Variants in ERFL observed in about 807,000 individuals in gnomAD.
The protein encoded by ERFL is ETS repressor factor like, also known as ETS domain-containing transcription factor ERF-like.
Under a neutral mutation model 27.9 loss-of-function variants are expected in ERFL, and 8 were observed. The ratio of observed to expected loss-of-function variants is 0.29; its 90% CI spans 0.17 to 0.52. The LOEUF is 0.52. ERFL is among the 20% of genes least tolerant of loss of function. ERFL has a pLI of 0.97. For synonymous variants in ERFL, 174 were observed against 202.8 expected (o/e 0.86, Z 1.21); for missense variants, 294 against 444.4 (o/e 0.66, Z 3.04).
In ERFL at chr19:41,912,898, C is replaced by G; in HGVS notation, c.22G>C (p.Asp8His). The change falls in exon 2 of 6, where the codon GAC becomes CAC. Residue 8 changes from aspartate (D) to histidine (H), a missense_variant. Physicochemically the swap from Asp to His is moderately conservative, Grantham distance 81. Coordinates refer to ENST00000597630, the MANE Select transcript of ERFL (RefSeq NM_001365103.2). MDCSCVS[D>H]LLFAPPALPA... is the part of the protein sequence containing the mutation. ...AGGGCGGGCGGGGCGAAGAGAAGGTCGGAGACGCAGCTACAGTCCATGGCG... is the reference window on the plus strand; with the variant it reads ...AGGGCGGGCGGGGCGAAGAGAAGGTGGGAGACGCAGCTACAGTCCATGGCG... The G allele has an allele frequency of 8.1e-7, 1 of 1,231,568 alleles. No homozygotes were observed. The highest frequency in any genetic ancestry group is 1.6e-5 in the African/African-American group (1 of 64,428). The allele number at this position is 1,231,568 out of a possible 1,614,324, so 76.3% of individuals were successfully genotyped here. A position where few individuals can be genotyped will look rare whatever the true frequency, so the allele number is the denominator to read the frequency against.
chr19:41,919,665 T>C (rs1372852294), intron 1 of ERFL, among the ~76,000 whole-genome samples: 2 of 151,984 alleles, frequency 1.3e-5, no homozygotes, highest in African/African-American at 4.8e-5. Flanking sequence ...TGGGGGCTCT[T>C]CCTCAGCTGC....
At chr19:41,918,367 C>T (rs2074815097) in intron 1 of ERFL, among the ~76,000 whole-genome samples, 1 of 149,940 alleles carries the variant, frequency 6.7e-6, no homozygotes, top group Admixed American at 6.6e-5. Context: ...CACACCATAC[C>T]ACACACACCA....
rs1599670756 is a variant in ERFL at position 41,909,359 on chromosome 19, C to G, written c.415G>C (p.Ala139Pro). 8.1e-7 allele frequency: 1 copy of G among 1,235,980 alleles called. No individual in the cohort carries two copies. The highest frequency in any genetic ancestry group is 1.0e-6 in the Non-Finnish European group (1 of 989,592). 76.6% of individuals were successfully genotyped at this position (1,235,980 alleles called of 1,614,324 possible). Reference protein sequence around the residue: ...VNYPLLDMAAAATGSPLLLTP... With the variant: ...VNYPLLDMAAPATGSPLLLTP... ...AGCAAGAGTGGGGAGCCAGTGGCAGCTGCCGCCATGTCCAGCAGCGGGTAA... is the reference window on the plus strand; with the variant it reads ...AGCAAGAGTGGGGAGCCAGTGGCAGGTGCCGCCATGTCCAGCAGCGGGTAA... The change falls in exon 4 of 6, where the codon GCT (alanine) becomes CCT (proline). Residue 139 changes from alanine (A) to proline (P), a missense_variant. Coordinates refer to ENST00000597630, the MANE Select transcript of ERFL (RefSeq NM_001365103.2). The surrounding 1 kb of genome is among the most constrained non-coding windows in gnomAD (Gnocchi z 5.2).
At chr19:41,920,713 G>A (rs540182162) in intron 1 of ERFL, among the ~76,000 whole-genome samples, 2 of 152,280 alleles carry the variant, frequency 1.3e-5, no homozygotes, top group African/African-American at 4.8e-5. Context: ...GTGCACATGC[G>A]CACACACACA....
At chr19:41,919,503 G>A (rs1345541971) in intron 1 of ERFL, among the ~76,000 whole-genome samples, 1 of 140,462 alleles carries the variant, frequency 7.1e-6, no homozygotes, top group Non-Finnish European at 1.5e-5. Flanking sequence ...ACGTGTGCAC[G>A]TGCACGCGTA....
chr19:41,909,222 C>T lies in ERFL; in HGVS notation c.499-45G>A, dbSNP rs1555851067. ...AGCCGCCCTTCTCAGACTGTCCCCT[C>T]CCCAGAGTGGGCACCAAGTGCCTCG... On this transcript the variant is annotated intron_variant, in intron 4 of 5. Coordinates refer to ENST00000597630, the MANE Select transcript of ERFL (RefSeq NM_001365103.2). This position sits in a 1 kb window ranked among gnomAD's most constrained non-coding sequence, Gnocchi z 5.2. The T allele has an allele frequency of 4.1e-6, 5 of 1,231,416 alleles. No homozygotes were observed. Among genetic ancestry groups the T allele is most frequent in the Non-Finnish European group, 4.0e-6 (4 of 987,714 alleles). The allele number at this position is 1,231,416 out of a possible 1,614,324, so 76.3% of individuals were successfully genotyped here.
Position 41,909,854 on chromosome 19 carries a change from CT to C in ERFL, c.302+8del. On this transcript the variant is annotated splice_region_variant and intron_variant, in intron 3 of 5. Coordinates refer to ENST00000597630, the MANE Select transcript of ERFL (RefSeq NM_001365103.2). The surrounding 1 kb of genome is among the most constrained non-coding windows in gnomAD (Gnocchi z 5.2). ...ACAAGGTGGGATCCAGCCCCAAGCC[CT>C]TCCTCACCGCAGGGCCCGGCTCAGC... is the stretch of plus-strand genomic sequence containing the variant. 1.9e-6 allele frequency: 3 copies of C among 1,602,868 alleles called. No homozygotes were observed. Among genetic ancestry groups the C allele is most frequent in the Non-Finnish European group, 2.6e-6 (3 of 1,173,828 alleles).
In ERFL at chr19:41,921,086, G is replaced by A. The variant is rs1171935500; in HGVS notation, c.-14+6954C>T. On this transcript the variant is annotated intron_variant, in intron 1 of 5. Coordinates refer to ENST00000597630, the MANE Select transcript of ERFL (RefSeq NM_001365103.2). This position sits in a 1 kb window ranked among gnomAD's most constrained non-coding sequence, Gnocchi z 4.4. The stretch of plus-strand genomic sequence containing the variant: ...GAGCGTCCCCGGGGAGGTGGGAGCC[G>A]CAGTGCCACGCACCCCGCCTACCAA... 3.3e-5 allele frequency among the ~76,000 whole-genome samples: 5 copies of A among 152,174 alleles called. No individual in the cohort carries two copies. Among genetic ancestry groups the A allele is most frequent in the East Asian group, 3.9e-4 (2 of 5,194 alleles).
In ERFL at chr19:41,908,971, C is replaced by A. The variant is rs540150464; in HGVS notation, c.616+89G>T. 26 of 847,112 alleles carry A rather than the reference C, an allele frequency of 3.1e-5. No individual in the cohort carries two copies. The highest frequency in any genetic ancestry group is 5.3e-5 in the African/African-American group (3 of 56,498). The allele number at this position is 847,112 out of a possible 1,614,324, so 52.5% of individuals were successfully genotyped here. ...CCTGGCCCTGGGCCCCCTTCCCCATCTCTTCTCTTGTCTTTTCTCATCCTC... is the reference window on the plus strand; with the variant it reads ...CCTGGCCCTGGGCCCCCTTCCCCATATCTTCTCTTGTCTTTTCTCATCCTC... On this transcript the variant is annotated intron_variant, in intron 5 of 5. Coordinates refer to ENST00000597630, the MANE Select transcript of ERFL (RefSeq NM_001365103.2). The surrounding 1 kb of genome is among the most constrained non-coding windows in gnomAD (Gnocchi z 6.7).
Position 41,908,809 on chromosome 19 carries a change from C to T in ERFL, c.617-133G>A, listed in dbSNP as rs782237271. On this transcript the variant is annotated intron_variant, in intron 5 of 5. Transcript: ENST00000597630. This position sits in a 1 kb window ranked among gnomAD's most constrained non-coding sequence, Gnocchi z 6.7. ...CATGGCATCTTACCCCCTCATACAG[C>T]TTCCCCCAACTCCATCTCCTCCCAC... is the stretch of plus-strand genomic sequence containing the variant. 1 of 485,268 alleles carries T rather than the reference C, an allele frequency of 2.1e-6. No individual in the cohort carries two copies. Among genetic ancestry groups the T allele is most frequent in the East Asian group, 3.5e-5 (1 of 28,410 alleles). 30.1% of individuals were successfully genotyped at this position (485,268 alleles called of 1,614,324 possible). A position where few individuals can be genotyped will look rare whatever the true frequency, so the allele number is the denominator to read the frequency against.
In ERFL at chr19:41,908,382, GC is replaced by G. The variant is rs1599669901; in HGVS notation, c.910del (p.Ala304LeufsTer61). 6 of 1,231,312 alleles carry G rather than the reference GC, an allele frequency of 4.9e-6. No homozygotes were observed. Among genetic ancestry groups the G allele is most frequent in the Non-Finnish European group, 5.1e-6 (5 of 987,706 alleles). The allele number at this position is 1,231,312 out of a possible 1,614,324, so 76.3% of individuals were successfully genotyped here. ...ACCAAGGGCAGCCTCTGGACCCCCA[GC>G]CCCTGGCAGCGCCAGGCGAGGGGCC... ...AAAPRLALPGAGGPEAALGGK... is the reference protein window; with the variant it reads ...AAAPRLALPGXGGPEAALGGK... On this transcript the variant is annotated frameshift_variant, in exon 6 of 6. Transcript: ENST00000597630. LOFTEE classifies it high-confidence loss of function. The surrounding 1 kb of genome is among the most constrained non-coding windows in gnomAD (Gnocchi z 6.7).
intron 1 of ERFL, among the ~76,000 whole-genome samples, chr19:41,927,444 A>T (rs2074878169): frequency 6.6e-6 from 1 of 151,934 alleles, no homozygotes; most frequent in Non-Finnish European, 1.5e-5. Context: ...TCCAACTCCA[A>T]ATCCAGACTT....
In ERFL at chr19:41,917,954, G is replaced by A. The variant is rs1407731462; in HGVS notation, c.-13-5022C>T. On this transcript the variant is annotated intron_variant, in intron 1 of 5. Coordinates refer to ENST00000597630, the MANE Select transcript of ERFL (RefSeq NM_001365103.2). This position sits in a 1 kb window ranked among gnomAD's most constrained non-coding sequence, Gnocchi z 4.8. Reference sequence around the variant, plus strand: ...TGTGTGTGTGCTCACACACCTGTCCGTCCAGACTATAGCCACGTCCATGTG... The same window carrying A: ...TGTGTGTGTGCTCACACACCTGTCCATCCAGACTATAGCCACGTCCATGTG... 1.3e-5 allele frequency among the ~76,000 whole-genome samples: 2 copies of A among 151,810 alleles called. No homozygotes were observed. The highest frequency in any genetic ancestry group is 3.9e-4 in the East Asian group (2 of 5,166).
At chr19:41,919,792 A>AACTGT (rs747470381) in intron 1 of ERFL, among the ~76,000 whole-genome samples, 6 of 94,202 alleles carry the variant, frequency 6.4e-5, no homozygotes, top group African/African-American at 3.1e-4. Flanking sequence ...CCTCAGAGAT[A>AACTGT]ACTGCCCCAG....
At chr19:41,926,720 G>T (rs2074873259) in intron 1 of ERFL, among the ~76,000 whole-genome samples, 1 of 152,126 alleles carries the variant, frequency 6.6e-6, no homozygotes, top group Non-Finnish European at 1.5e-5. Flanking sequence ...CCGGGAGGGG[G>T]GAGCGGGCGG....
At position 41,917,817 on chromosome 19, in the gene ERFL, C is replaced by T. The variant is rs1488773286; in HGVS notation, c.-13-4885G>A. Among the ~76,000 whole-genome samples the T allele has an allele frequency of 1.3e-5, 2 of 151,870 alleles. No individual in the cohort carries two copies. Among genetic ancestry groups the T allele is most frequent in the African/African-American group, 4.8e-5 (2 of 41,278 alleles). ...TAGGCACACACACACCATGCACAGC[C>T]CCAGCCATGGGACGGCTGCCAGCCC... On this transcript the variant is annotated intron_variant, in intron 1 of 5. Coordinates refer to ENST00000597630, the MANE Select transcript of ERFL (RefSeq NM_001365103.2). The surrounding 1 kb of genome is among the most constrained non-coding windows in gnomAD (Gnocchi z 4.8).
intron 1 of ERFL, among the ~76,000 whole-genome samples, chr19:41,915,822 C>T (rs2074797416): frequency 6.6e-6 from 1 of 152,130 alleles, no homozygotes; most frequent in Non-Finnish European, 1.5e-5. Flanking sequence ...GGAGCGCGGC[C>T]TGCGGGGCCT....
intron 1 of ERFL, among the ~76,000 whole-genome samples, chr19:41,924,467 C>T (rs1425250820): frequency 2.0e-5 from 3 of 152,044 alleles, no homozygotes; most frequent in African/African-American, 7.3e-5. Flanking sequence ...GTGTCTGTCA[C>T]AGAGATGGAT....
intron 1 of ERFL, among the ~76,000 whole-genome samples, chr19:41,926,236 G>A (rs2074869836): frequency 6.6e-6 from 1 of 151,654 alleles, no homozygotes; most frequent in Non-Finnish European, 1.5e-5. Context: ...CGAGAGACCA[G>A]ACATCTTAAG....
Sources: allele counts gnomAD v4.1 joint callset (sites outside exome capture counted in the v4.1 genomes callset), GRCh38; gene constraint gnomAD v4.1.1; non-coding constraint Gnocchi (gnomAD v3.1); transcripts MANE v1.5; gene names NCBI Gene and HGNC (gene_info 2026-07-23, HGNC 2026-07-21).